Variants in DNM1L observed in about 807,000 individuals in gnomAD.
DNM1L encodes dynamin 1L.
DNM1L carries 33 observed loss-of-function variants against 92.8 expected under a neutral mutation model. The ratio of observed to expected loss-of-function variants is 0.36; its 90% confidence interval spans 0.27 to 0.48. The LOEUF (loss-of-function observed/expected upper bound fraction) is 0.48, where lower values mean the gene tolerates loss of function less well. DNM1L is among the 20% of genes least tolerant of loss of function. DNM1L has a pLI of 0.99. For synonymous variants in DNM1L, 284 were observed against 305.0 expected (o/e 0.93, Z 0.72); for missense variants, 485 against 888.8 (o/e 0.55, Z 5.78).
chr12:32,724,593 A>AAAT (rs1555123432), intron 9 of DNM1L, among the ~76,000 whole-genome samples: 5 of 66,694 alleles, frequency 7.5e-5, no homozygotes, highest in East Asian at 4.2e-4. Flanking sequence ...AAAAAAAAAA[A>AAAT]ATATATATAT....
In DNM1L at chr12:32,688,217, G is replaced by A. The variant is rs533178233; in HGVS notation, c.102+8752G>A. ...TGGGATTACAGGCGTGAGCCACTGT[G>A]TGGGCCCCGTATGAATTTTAGATTT... On this transcript the variant is annotated intron_variant, in intron 1 of 19. Coordinates refer to ENST00000549701, the MANE Select transcript of DNM1L (RefSeq NM_012062.5). Among the ~76,000 whole-genome samples, 3 of 152,310 alleles carry A rather than the reference G, an allele frequency of 2.0e-5. No homozygotes were observed. The East Asian group carries it at 5.8e-4, about 29-fold the overall frequency.
intron 9 of DNM1L, among the ~76,000 whole-genome samples, chr12:32,724,530 C>G (rs111703250): frequency 7.2e-6 from 1 of 138,992 alleles, no homozygotes; most frequent in East Asian, 2.1e-4. Context: ...GAGCTGAGAT[C>G]GCACCACTGC....
At chr12:32,694,377 C>T (rs1025549297) in intron 1 of DNM1L, among the ~76,000 whole-genome samples, 4 of 152,200 alleles carry the variant, frequency 2.6e-5, no homozygotes, top group Non-Finnish European at 4.4e-5. Flanking sequence ...AGCCACCGCG[C>T]CCGGCCATAT....
chr12:32,704,749 C>T (rs1192932473), intron 2 of DNM1L, among the ~76,000 whole-genome samples: 1 of 152,098 alleles, frequency 6.6e-6, no homozygotes, highest in Non-Finnish European at 1.5e-5. Context: ...TGCTGTGATA[C>T]ACGTAGTAGT....
chr12:32,716,764 A>ATATAT (rs1467859341), intron 6 of DNM1L, among the ~76,000 whole-genome samples: 1 of 146,224 alleles, frequency 6.8e-6, no homozygotes, highest in Non-Finnish European at 1.5e-5. Flanking sequence ...ATATATATAT[A>ATATAT]GTAACTGAAA....
In DNM1L at chr12:32,708,677, T is replaced by A. The variant is rs117420750; in HGVS notation, c.369+453T>A. Among the ~76,000 whole-genome samples, 205 of 152,146 alleles carry A rather than the reference T, an allele frequency of 1.3e-3. 3 individuals are homozygous for A. The East Asian group carries it at 0.036, about 26-fold the overall frequency. ...CTTATGAAAGCAAAAAGAGACAAAT[T>A]GGGAATTTTTTTTTCTTTTTTTTAG... On this transcript the variant is annotated intron_variant, in intron 4 of 19. Transcript: ENST00000549701.
chr12:32,701,649 A>C, intron 2 of DNM1L, 87 bp downstream of exon 2: 2 of 1,221,644 alleles, frequency 1.6e-6, no homozygotes, highest in Non-Finnish European at 2.4e-6. Context: ...GATAATTAGA[A>C]ATTAGTGACT....
chr12:32,709,259 A>G (rs1288628655), intron 4 of DNM1L, among the ~76,000 whole-genome samples: 2 of 152,162 alleles, frequency 1.3e-5, no homozygotes, highest in East Asian at 3.8e-4. Flanking sequence ...AAACTAGATT[A>G]GCTTATCGTC....
At chr12:32,713,134 T>G (rs528615055) in intron 5 of DNM1L, 75 bp from the exon 6 acceptor site, 1 of 1,449,112 alleles carries the variant, frequency 6.9e-7, no homozygotes, top group East Asian at 2.3e-5. Flanking sequence ...ACCTATATTC[T>G]ATCGATTAAA....
At chr12:32,721,318 C>A (rs1953789289) in intron 8 of DNM1L, among the ~76,000 whole-genome samples, 1 of 152,132 alleles carries the variant, frequency 6.6e-6, no homozygotes, top group Non-Finnish European at 1.5e-5. Context: ...AAGCCATTTT[C>A]TCTTACTTTT....
At chr12:32,721,739 G>A (rs139296804) in intron 8 of DNM1L, among the ~76,000 whole-genome samples, 258 of 152,230 alleles carry the variant, frequency 1.7e-3, no homozygotes, top group African/African-American at 5.9e-3. Context: ...CCACAAGACT[G>A]CCCCCAAGTC....
At chr12:32,691,298 G>A (rs1592571782) in intron 1 of DNM1L, among the ~76,000 whole-genome samples, 1 of 152,118 alleles carries the variant, frequency 6.6e-6, no homozygotes, top group Non-Finnish European at 1.5e-5. Flanking sequence ...GAGTGCAGAG[G>A]CGCGATCTCG....
In DNM1L at chr12:32,731,768, C is replaced by T; in HGVS notation, c.1357-86C>T. The T allele has an allele frequency of 8.4e-7, 1 of 1,183,722 alleles. No individual in the cohort carries two copies. Among genetic ancestry groups the T allele is most frequent in the Non-Finnish European group, 1.2e-6 (1 of 801,920 alleles). 73.3% of individuals were successfully genotyped at this position (1,183,722 alleles called of 1,614,324 possible). A position where few individuals can be genotyped will look rare whatever the true frequency, so the allele number is the denominator to read the frequency against. On this transcript the variant is annotated intron_variant, in intron 11 of 19. Coordinates refer to ENST00000549701, the MANE Select transcript of DNM1L (RefSeq NM_012062.5). This position sits in a 1 kb window ranked among gnomAD's most constrained non-coding sequence, Gnocchi z 5.1. ...CATGTAGTCTCAGCTACTTGGGAGG[C>T]TAAGGTGGGAGGATGGCTTAGTGAG...
At position 32,739,399 on chromosome 12, in the gene DNM1L, G is replaced by T. The variant is rs544983596; in HGVS notation, c.1708-665G>T. On this transcript the variant is annotated intron_variant, in intron 16 of 19. Coordinates refer to ENST00000549701, the MANE Select transcript of DNM1L (RefSeq NM_012062.5). Reference sequence around the variant, plus strand: ...GGTACAAAAGCACTTGTGATTAATGGTAGCACTAGATTTCTTTCAGCAAAT... The same window carrying T: ...GGTACAAAAGCACTTGTGATTAATGTTAGCACTAGATTTCTTTCAGCAAAT... 1.4e-4 allele frequency among the ~76,000 whole-genome samples: 22 copies of T among 152,292 alleles called. No homozygotes were observed. The South Asian group carries it at 4.3e-3, about 30-fold the overall frequency.
intron 1 of DNM1L, among the ~76,000 whole-genome samples, chr12:32,685,849 C>G (rs1951990049): frequency 6.6e-6 from 1 of 151,980 alleles, no homozygotes; most frequent in Non-Finnish European, 1.5e-5. Context: ...TGATGTCCCT[C>G]TCTCTTTTTT....
Position 32,742,735 on chromosome 12 carries a change from C to G in DNM1L, c.2141C>G (p.Ala714Gly). The G allele has an allele frequency of 6.2e-7, 1 of 1,613,912 alleles. No individual in the cohort carries two copies. Among genetic ancestry groups the G allele is most frequent in the African/African-American group, 1.3e-5 (1 of 74,948 alleles). ...ATGGCACAGCGCAGGAAAGAAGCAG[C>G]TGATATGCTAAAGGTATTGTGGACC... ...EDMAQRRKEAADMLKALQGAS... is the reference protein window; with the variant it reads ...EDMAQRRKEAGDMLKALQGAS... Residue 714 changes from alanine (A) to glycine (G), a missense_variant, in exon 19 of 20, where the codon GCT becomes GGT. This residue lies in a region of DNM1L where 133 missense variants were observed against 210.9 expected (regional missense o/e 0.63). Coordinates refer to ENST00000549701, the MANE Select transcript of DNM1L (RefSeq NM_012062.5).
At position 32,740,521 on chromosome 12, in the gene DNM1L, T is replaced by G; in HGVS notation, c.1994+3T>G. The G allele has an allele frequency of 3.4e-3, 5,355 of 1,574,418 alleles. No homozygotes were observed. Among genetic ancestry groups the G allele is most frequent in the Non-Finnish European group, 4.3e-3 (4,870 of 1,144,854 alleles). On this transcript the variant is annotated splice_donor_region_variant and intron_variant, in intron 18 of 19. Coordinates refer to ENST00000549701, the MANE Select transcript of DNM1L (RefSeq NM_012062.5). ...GTCAGAAAGAATATTCAAGACAGGT[T>G]AGTATTACTTAATATAAATGACGGA...
At chr12:32,717,376 TATATATA>T (rs1403050268) in intron 6 of DNM1L, among the ~76,000 whole-genome samples, 2 of 78,286 alleles carry the variant, frequency 2.6e-5, no homozygotes, top group African/African-American at 1.1e-4. Context: ...ATATATATAC[TATATATA>T]ATATATAGTA....
chr12:32,744,601 T>TA lies in DNM1L; in HGVS notation c.*1192dup. The TA allele has an allele frequency of 4.1e-6, 1 of 243,010 alleles. No individual in the cohort carries two copies. Among genetic ancestry groups the TA allele is most frequent in the Non-Finnish European group, 8.0e-6 (1 of 124,818 alleles). 15.1% of individuals were successfully genotyped at this position (243,010 alleles called of 1,614,324 possible). A position where few individuals can be genotyped will look rare whatever the true frequency, so the allele number is the denominator to read the frequency against. On this transcript the variant is annotated 3_prime_UTR_variant, in exon 20 of 20. Transcript: ENST00000549701. ...GGTGGCGCATGCCTGTAATCCCAGCTACTCGGGAGGGTGAGGCAGGAGAAT... is the reference window on the plus strand; with the variant it reads ...GGTGGCGCATGCCTGTAATCCCAGCTAACTCGGGAGGGTGAGGCAGGAGAAT...
Sources: gnomAD v4.1 joint callset for allele counts (sites outside exome capture counted in the v4.1 genomes callset) on GRCh38, gnomAD v4.1.1 for gene constraint, gnomAD v4.1.1 regional missense constraint, Gnocchi (gnomAD v3.1) non-coding constraint, MANE v1.5 for transcripts, NCBI Gene and HGNC (gene_info 2026-07-23, HGNC 2026-07-21) for gene names.